TENM4: variants seen among roughly 807,000 people sequenced by gnomAD.
The protein encoded by TENM4 is teneurin-4.
In TENM4, 82 loss-of-function variants were observed where a neutral mutation model predicts 243.3. That is an observed-to-expected ratio of 0.34 (90% CI 0.28 to 0.40). The LOEUF (loss-of-function observed/expected upper bound fraction) is 0.40. Ranked by LOEUF, TENM4 falls within the 10% of genes least tolerant of loss-of-function variation. TENM4 has a pLI of 1.00. For missense variants in TENM4, 3,138 were observed against 3,673.3 expected (o/e 0.85, Z 3.77); for synonymous variants, 1,412 against 1,456.3 (o/e 0.97, Z 0.69).
At chr11:79,121,833 G>C (rs187321357) in intron 4 of TENM4, among the ~76,000 whole-genome samples, 5 of 152,294 alleles carry the variant, frequency 3.3e-5, no homozygotes, top group African/African-American at 9.6e-5. Context: ...TCTGACCATG[G>C]ACAAGTTTCC....
At chr11:79,060,767 C>A (rs1381350926) in intron 6 of TENM4, among the ~76,000 whole-genome samples, 2 of 152,158 alleles carry the variant, frequency 1.3e-5, no homozygotes, top group East Asian at 3.8e-4. Context: ...AATGGGAATG[C>A]CACTGAGTTG....
chr11:79,295,920 CA>C (rs1856444345), intron 2 of TENM4, among the ~76,000 whole-genome samples: 1 of 150,642 alleles, frequency 6.6e-6, no homozygotes, highest in African/African-American at 2.4e-5. Flanking sequence ...CACACACACA[CA>C]CACACACACA....
chr11:78,902,343 T>C (rs1176098741), intron 7 of TENM4, among the ~76,000 whole-genome samples: 1 of 152,132 alleles, frequency 6.6e-6, no homozygotes, highest in African/African-American at 2.4e-5. Flanking sequence ...GGAAAAACAG[T>C]GTGTAGGCAG....
chr11:79,370,922 A>T (rs1857772305), intron 1 of TENM4, among the ~76,000 whole-genome samples: 1 of 152,124 alleles, frequency 6.6e-6, no homozygotes, highest in Non-Finnish European at 1.5e-5. Context: ...GGTATTTATA[A>T]TACACTAGGA....
intron 1 of TENM4, among the ~76,000 whole-genome samples, chr11:79,308,109 G>C (rs1856657176): frequency 6.6e-6 from 1 of 152,238 alleles, no homozygotes; most frequent in South Asian, 2.1e-4. Context: ...CGGAGGCAGA[G>C]CTTGGCACTG....
intron 12 of TENM4, among the ~76,000 whole-genome samples, chr11:78,824,350 G>C (rs1425547196): frequency 1.3e-5 from 2 of 152,046 alleles, no homozygotes; most frequent in Non-Finnish European, 2.9e-5. Context: ...AAAAGCGAGT[G>C]GGGGTAGGTG....
chr11:79,006,700 T>C lies in TENM4; in HGVS notation c.493+58038A>G, dbSNP rs187565249. Among the ~76,000 whole-genome samples, 29 of 152,340 alleles carry C rather than the reference T, an allele frequency of 1.9e-4. 1 individual carries two copies. Among genetic ancestry groups the C allele is most frequent in the Admixed American group, 1.7e-3 (26 of 15,300 alleles). ...GCCTTAAGGCCTACATTAGAAACTT[T>C]GCTATCTTTTGTTACAAAGAATAGA... On this transcript the variant is annotated intron_variant, in intron 6 of 33. Transcript: ENST00000278550.
chr11:78,952,526 G>A (rs1177255715), intron 6 of TENM4, among the ~76,000 whole-genome samples: 2 of 152,234 alleles, frequency 1.3e-5, no homozygotes, highest in African/African-American at 4.8e-5. Context: ...CGGTCCAGGA[G>A]AAAGGAGACA....
At chr11:78,673,503 T>C (rs10400310) in intron 30 of TENM4, among the ~76,000 whole-genome samples, 104,853 of 152,010 alleles carry the variant, frequency 0.69, 37,358 homozygotes, top group African/African-American at 0.8. Flanking sequence ...TGGATCCCTG[T>C]GTGGTTAAAA....
At chr11:78,734,241 T>G (rs1416529778) in intron 20 of TENM4, among the ~76,000 whole-genome samples, 2 of 151,948 alleles carry the variant, frequency 1.3e-5, no homozygotes, top group Admixed American at 1.3e-4. Context: ...AGACTAGAAT[T>G]TTGTGTCCTT....
chr11:78,969,644 C>T (rs1488213573), intron 6 of TENM4, among the ~76,000 whole-genome samples: 1 of 152,198 alleles, frequency 6.6e-6, no homozygotes, highest in Non-Finnish European at 1.5e-5. Flanking sequence ...GATAAAACCC[C>T]ATCTAGTCTA....
intron 9 of TENM4, among the ~76,000 whole-genome samples, chr11:78,868,559 G>A (rs969281425): frequency 6.6e-6 from 1 of 152,178 alleles, no homozygotes; most frequent in Non-Finnish European, 1.5e-5. Flanking sequence ...TGAGACATGA[G>A]AGATGGCTCA....
At chr11:78,926,579 A>G (rs1267093432) in intron 6 of TENM4, among the ~76,000 whole-genome samples, 8 of 151,966 alleles carry the variant, frequency 5.3e-5, no homozygotes, top group East Asian at 1.9e-4. Flanking sequence ...GCCAGAAATG[A>G]TATTTTTTAT....
At chr11:79,403,919 G>A (rs1488791360) in intron 1 of TENM4, among the ~76,000 whole-genome samples, 1 of 152,232 alleles carries the variant, frequency 6.6e-6, no homozygotes, top group East Asian at 1.9e-4. Flanking sequence ...CTCATCATGT[G>A]TATTAGCTTG....
intron 1 of TENM4, among the ~76,000 whole-genome samples, chr11:79,358,406 G>C (rs1303842744): frequency 2.0e-5 from 3 of 152,136 alleles, no homozygotes; most frequent in African/African-American, 7.2e-5. Flanking sequence ...AGACAGGGAC[G>C]CTCAGGACCC....
intron 6 of TENM4, among the ~76,000 whole-genome samples, chr11:78,908,398 C>T (rs1856111140): frequency 6.6e-6 from 1 of 152,206 alleles, no homozygotes; most frequent in Middle Eastern, 3.2e-3. Flanking sequence ...AAAATGGTAA[C>T]TATTAATTCC....
At chr11:78,779,488 T>C (rs1181592045) in intron 16 of TENM4, among the ~76,000 whole-genome samples, 1 of 152,238 alleles carries the variant, frequency 6.6e-6, no homozygotes, top group Non-Finnish European at 1.5e-5. Context: ...GCATCAAAGG[T>C]TGCTCTGAAA....
chr11:79,430,931 G>A (rs1156419838), intron 1 of TENM4, among the ~76,000 whole-genome samples: 1 of 152,184 alleles, frequency 6.6e-6, no homozygotes, highest in African/African-American at 2.4e-5. Flanking sequence ...GAATAGATAA[G>A]CCAGAAGTTC....
At chr11:79,203,878 T>C (rs569191434) in intron 3 of TENM4, among the ~76,000 whole-genome samples, 72 of 152,320 alleles carry the variant, frequency 4.7e-4, no homozygotes, top group African/African-American at 1.4e-3. Context: ...AAAGTGAAAG[T>C]GCTATATTTG....
Sources: allele counts gnomAD v4.1 joint callset (sites outside exome capture counted in the v4.1 genomes callset), GRCh38; gene constraint gnomAD v4.1.1; transcripts MANE v1.5; gene names NCBI Gene and HGNC (gene_info 2026-07-23, HGNC 2026-07-21).